DDX19A: variants seen among roughly 807,000 people sequenced by gnomAD.
DDX19A encodes the protein DEAD-box helicase 19A, also known as ATP-dependent RNA helicase DDX19A.
A neutral mutation model predicts 60.6 loss-of-function variants in DDX19A; 12 were observed. The ratio of observed to expected loss-of-function variants is 0.20; its 90% CI spans 0.13 to 0.32. DDX19A has a LOEUF of 0.32. DDX19A is among the 10% of genes least tolerant of loss of function. The probability of loss-of-function intolerance (pLI) is 1.00; values close to 1 mark genes in which losing one functional copy is unlikely to be tolerated. For synonymous variants in DDX19A, 206 were observed against 218.2 expected, an observed-to-expected ratio of 0.94 and a Z score of 0.49; for missense variants, 337 against 600.6, an observed-to-expected ratio of 0.56 and a Z score of 4.59.
At chr16:70,366,496 T>A (rs1964523689) in intron 8 of DDX19A, 128 bp from the exon 9 acceptor site, 5 of 1,361,900 alleles carry the variant, frequency 3.7e-6, no homozygotes, top group Non-Finnish European at 5.1e-6. Context: ...GGCCTGCTGC[T>A]CCTCCTCCCC....
chr16:70,364,613 A>G lies in DDX19A; in HGVS notation c.457A>G (p.Ser153Gly). 5 of 1,614,198 alleles carry G rather than the reference A, an allele frequency of 3.1e-6. No homozygotes were observed. Among genetic ancestry groups the G allele is most frequent in the Non-Finnish European group, 4.2e-6 (5 of 1,180,022 alleles). Reference protein sequence around the residue: ...KTAAFVLAMLSRVEPSDRYPQ... With the variant: ...KTAAFVLAMLGRVEPSDRYPQ... Reference sequence around the variant, plus strand: ...AGCTGCCTTTGTCTTAGCCATGCTCAGCCGAGTGGAGCCATCAGACAGATA... The same window carrying G: ...AGCTGCCTTTGTCTTAGCCATGCTCGGCCGAGTGGAGCCATCAGACAGATA... The change falls in exon 6 of 12, where the codon AGC becomes GGC. Residue 153 changes from serine to glycine, a missense_variant. Transcript: ENST00000302243.
chr16:70,368,598 T>TA (rs1419231231), intron 9 of DDX19A, among the ~76,000 whole-genome samples: 2 of 151,356 alleles, frequency 1.3e-5, no homozygotes, highest in African/African-American at 2.4e-5. Context: ...TTTTTTTTTT[T>TA]AGACGGTCTC....
At chr16:70,366,556 TG>T in intron 8 of DDX19A, 67 bp from the exon 9 acceptor site, 2 of 1,594,840 alleles carry the variant, frequency 1.3e-6, no homozygotes, top group Non-Finnish European at 1.7e-6. Flanking sequence ...CCCTCCCAGC[TG>T]GGGAGGCTGT....
chr16:70,350,652 G>A (rs753382866), intron 2 of DDX19A, 47 bp downstream of exon 2: 34 of 1,432,972 alleles, frequency 2.4e-5, no homozygotes, highest in South Asian at 4.7e-5. Flanking sequence ...CATGTGGGCC[G>A]CTGCTTTGCA....
intron 4 of DDX19A, among the ~76,000 whole-genome samples, chr16:70,360,317 C>A (rs1028589869): frequency 7.3e-6 from 1 of 136,606 alleles, no homozygotes; most frequent in Admixed American, 7.1e-5. Flanking sequence ...TTCTTTCTTT[C>A]TTTCTTTTTT....
At chr16:70,351,691 A>AT (rs1017332138) in intron 2 of DDX19A, among the ~76,000 whole-genome samples, 1,729 of 146,450 alleles carry the variant, frequency 0.012, 26 homozygotes, top group African/African-American at 0.041. Context: ...TGCCCAGCTA[A>AT]TTTTTTTTTT....
chr16:70,371,246 A>C (rs2151647577), intron 10 of DDX19A, 126 bp from the exon 11 acceptor site: 10 of 1,549,982 alleles, frequency 6.5e-6, no homozygotes, highest in South Asian at 2.4e-5. Flanking sequence ...TCTTGTACCC[A>C]GAGTTGGCCT....
rs965911445 is a variant in DDX19A, at chr16:70,365,286, T to C, written c.604+155T>C. The C allele has an allele frequency of 1.2e-5, 6 of 492,076 alleles. 1 individual carries two copies. The highest frequency in any genetic ancestry group is 6.5e-5 in the South Asian group (2 of 30,762). The allele number at this position is 492,076 out of a possible 1,614,324, so 30.5% of individuals were successfully genotyped here. A position where few individuals can be genotyped will look rare whatever the true frequency, so the allele number is the denominator to read the frequency against. ...TTGAATCTATTTGAATACCTGCTAA[T>C]TTGTTAACAGTCTTTTTCAGTCTTA... On this transcript the variant is annotated intron_variant, in intron 7 of 11. Coordinates refer to ENST00000302243, the MANE Select transcript of DDX19A (RefSeq NM_018332.5).
chr16:70,371,893 G>A (rs926098410), intron 11 of DDX19A, 32 bp from the exon 12 acceptor site: 6 of 1,613,888 alleles, frequency 3.7e-6, no homozygotes, highest in African/African-American at 2.7e-5. Flanking sequence ...ACATTCCTGG[G>A]CAGGGTAGAG....
At chr16:70,355,879 C>T in intron 3 of DDX19A, 1 of 606,910 alleles carries the variant, frequency 1.6e-6, no homozygotes, top group Non-Finnish European at 2.8e-6. Flanking sequence ...GGACGATTGC[C>T]AGAGCCCAGG....
intron 5 of DDX19A, among the ~76,000 whole-genome samples, chr16:70,362,946 A>G (rs951921757): frequency 1.3e-5 from 2 of 150,684 alleles, no homozygotes; most frequent in South Asian, 4.2e-4. Context: ...CCCAGGAAAC[A>G]GAGGTTGCAA....
chr16:70,360,814 C>CGGT, intron 4 of DDX19A: 1 of 152,972 alleles, frequency 6.5e-6, no homozygotes, highest in Non-Finnish European at 1.5e-5. Context: ...TGCAGTGGCT[C>CGGT]AGTCACAGAT....
chr16:70,351,507 T>TA (rs1187861290), intron 2 of DDX19A, among the ~76,000 whole-genome samples: 5 of 151,720 alleles, frequency 3.3e-5, no homozygotes, highest in African/African-American at 1.2e-4. Flanking sequence ...GCACTTGGCC[T>TA]AATTTTATTA....
At chr16:70,352,358 C>T (rs1317422149) in intron 2 of DDX19A, among the ~76,000 whole-genome samples, 1 of 149,372 alleles carries the variant, frequency 6.7e-6, no homozygotes, top group African/African-American at 2.5e-5. Context: ...AATCTTGGCT[C>T]ACTCCAACCT....
chr16:70,372,433 G>C lies in DDX19A; in HGVS notation c.*447G>C, dbSNP rs1185179835. Reference sequence around the variant, plus strand: ...AAGTGGCAGCAGAGAGGCCAGAGCTGCCCCCTCTCTGTCTCTTCAATGGAC... The same window carrying C: ...AAGTGGCAGCAGAGAGGCCAGAGCTCCCCCCTCTCTGTCTCTTCAATGGAC... On this transcript the variant is annotated 3_prime_UTR_variant, in exon 12 of 12. Transcript: ENST00000302243. The C allele has an allele frequency of 4.6e-6, 1 of 217,598 alleles. No individual in the cohort carries two copies. Among genetic ancestry groups the C allele is most frequent in the African/African-American group, 2.3e-5 (1 of 42,776 alleles). 13.5% of individuals were successfully genotyped at this position (217,598 alleles called of 1,614,324 possible).
At chr16:70,347,155 C>CCCCAGCG in intron 1 of DDX19A, 107 bp downstream of exon 1, 1 of 1,119,892 alleles carries the variant, frequency 8.9e-7, no homozygotes, top group Middle Eastern at 1.9e-4. Flanking sequence ...GCAACGCGCT[C>CCCCAGCG]CTGCAGTTTG....
intron 10 of DDX19A, 148 bp from the exon 11 acceptor site, chr16:70,371,224 A>T: frequency 7.2e-7 from 1 of 1,393,870 alleles, no homozygotes; most frequent in Non-Finnish European, 9.9e-7. Context: ...GCCTGCCTAT[A>T]TGTGTGCCCT....
intron 4 of DDX19A, among the ~76,000 whole-genome samples, chr16:70,360,243 T>C (rs551769716): frequency 4.0e-5 from 6 of 151,654 alleles, no homozygotes; most frequent in Non-Finnish European, 8.8e-5. Flanking sequence ...ATCACGCTAT[T>C]GCACTCTAGC....
In DDX19A at chr16:70,364,448, G is replaced by T. The variant is rs187884976; in HGVS notation, c.387-95G>T. ...AAACCTGGGTAATATAGAGAAGCAC[G>T]AAGGGGGAAATATGCCTTTCATTCA... On this transcript the variant is annotated intron_variant, in intron 5 of 11. Coordinates refer to ENST00000302243, the MANE Select transcript of DDX19A (RefSeq NM_018332.5). 6 of 950,962 alleles carry T rather than the reference G, an allele frequency of 6.3e-6. No individual in the cohort carries two copies. The South Asian group carries it at 7.2e-5, about 11-fold the overall frequency. 58.9% of individuals were successfully genotyped at this position (950,962 alleles called of 1,614,324 possible).
Sources: gnomAD v4.1 joint callset for allele counts (sites outside exome capture counted in the v4.1 genomes callset) on GRCh38, gnomAD v4.1.1 for gene constraint, MANE v1.5 for transcripts, NCBI Gene and HGNC (gene_info 2026-07-23, HGNC 2026-07-21) for gene names.